Variants in C16orf46 observed in about 807,000 individuals in gnomAD.
C16orf46 encodes the protein uncharacterized protein C16orf46.
In C16orf46, 7 loss-of-function variants were observed where a neutral mutation model predicts 5.5. The observed-to-expected ratio is 1.28, with a 90% confidence interval of 0.73 to 2.40. The LOEUF is 2.40. Among genes scored for constraint, C16orf46 ranks in the 30% most tolerant of loss-of-function variants. The probability of loss-of-function intolerance (pLI) is 0.00; values close to 1 mark genes in which losing one functional copy is unlikely to be tolerated. For synonymous variants in C16orf46, 200 were observed against 184.1 expected (o/e 1.09, Z -0.70); for missense variants, 614 against 476.0 (o/e 1.29, Z -2.70).
At chr16:81,059,414 C>G (rs1044224297), downstream of C16orf46, among the ~76,000 whole-genome samples, 1 of 150,604 alleles carries the variant, frequency 6.6e-6, no homozygotes, top group African/African-American at 2.4e-5. Context: ...GTCATATATT[C>G]TGTCTACTCC....
intron 3 of C16orf46, among the ~76,000 whole-genome samples, chr16:81,062,489 A>G (rs1971518201): frequency 1.3e-5 from 2 of 152,262 alleles, no homozygotes; most frequent in Admixed American, 6.5e-5. Flanking sequence ...TGTGCTGACT[A>G]TATTTCTTTT....
chr16:81,068,627 T>G (rs1019672088), intron 1 of C16orf46, among the ~76,000 whole-genome samples: 20 of 147,612 alleles, frequency 1.4e-4, no homozygotes, highest in Middle Eastern at 3.2e-3. Flanking sequence ...CTCAAACTCC[T>G]GGCCTCAAGT....
chr16:81,067,009 T>C (rs961583601), intron 1 of C16orf46, among the ~76,000 whole-genome samples: 1 of 152,144 alleles, frequency 6.6e-6, no homozygotes, highest in Non-Finnish European at 1.5e-5. Flanking sequence ...AGAACCAACA[T>C]GTACAAAAGA....
intron 1 of C16orf46, among the ~76,000 whole-genome samples, chr16:81,072,925 A>G (rs1395091654): frequency 6.6e-6 from 1 of 151,730 alleles, no homozygotes; most frequent in Non-Finnish European, 1.5e-5. Flanking sequence ...CTGGTCTCCA[A>G]CTCCTGATGT....
At position 81,061,071 on chromosome 16, in the gene C16orf46, TGGGG is replaced by T; in HGVS notation, c.*86_*89del. ...TGACGGGGAGGAGAGAAAGAGAGAG[TGGGG>T]GGTGGGTGGGAAATGAGAGAGAAGA... On this transcript the variant is annotated 3_prime_UTR_variant, in exon 4 of 4. Coordinates refer to ENST00000299578, the MANE Select transcript of C16orf46 (RefSeq NM_152337.3). 2.1e-6 allele frequency: 2 copies of T among 966,306 alleles called. No homozygotes were observed. The highest frequency in any genetic ancestry group is 2.8e-6 in the Non-Finnish European group (2 of 705,362). The allele number at this position is 966,306 out of a possible 1,614,324, so 59.9% of individuals were successfully genotyped here. A position where few individuals can be genotyped will look rare whatever the true frequency, so the allele number is the denominator to read the frequency against.
intron 1 of C16orf46, among the ~76,000 whole-genome samples, chr16:81,070,291 G>T (rs971165198): frequency 6.6e-6 from 1 of 152,160 alleles, no homozygotes; most frequent in African/African-American, 2.4e-5. Flanking sequence ...ACATTGACAA[G>T]CAAGTTTTAG....
At chr16:81,054,809 C>G (rs1444563430) in intron 3 of C16orf46, among the ~76,000 whole-genome samples, 1 of 151,622 alleles carries the variant, frequency 6.6e-6, no homozygotes, top group African/African-American at 2.4e-5. Context: ...CCACCACGCC[C>G]CCTAATTTTT....
At chr16:81,067,613 T>C (rs1437895619) in intron 1 of C16orf46, among the ~76,000 whole-genome samples, 1 of 152,192 alleles carries the variant, frequency 6.6e-6, no homozygotes, top group Non-Finnish European at 1.5e-5. Flanking sequence ...AGTACAATGG[T>C]GTGATCTCGG....
At chr16:81,075,086 T>C (rs1335270022) in intron 1 of C16orf46, among the ~76,000 whole-genome samples, 1 of 152,192 alleles carries the variant, frequency 6.6e-6, no homozygotes, top group East Asian at 1.9e-4. Flanking sequence ...ACTTGGACAT[T>C]TGCTAATTAT....
intron 1 of C16orf46, among the ~76,000 whole-genome samples, chr16:81,069,233 A>G (rs1460047301): frequency 6.6e-6 from 1 of 152,164 alleles, no homozygotes; most frequent in Non-Finnish European, 1.5e-5. Context: ...TCGACTACCT[A>G]GCATTAGTCA....
In C16orf46 at chr16:81,061,774, C is replaced by G; in HGVS notation, c.575G>C (p.Gly192Ala). 1 of 1,613,866 alleles carries G rather than the reference C, an allele frequency of 6.2e-7. No homozygotes were observed. The highest frequency in any genetic ancestry group is 2.2e-5 in the East Asian group (1 of 44,874). The change falls in exon 4 of 4, where the codon GGG becomes GCG. Residue 192 changes from glycine to alanine, a missense_variant. Physicochemically the swap from Gly to Ala is moderately conservative, Grantham distance 60. Coordinates refer to ENST00000299578, the MANE Select transcript of C16orf46 (RefSeq NM_152337.3). ...TGGGATGGACAGCCCTCTGTGGGCC[C>G]CTCCACTGGGATTCCCAGAGGCCTT... ...RGKASGNPSG[G>A]AHRGLSIPGP...
At chr16:81,070,108 G>A (rs1021036238) in intron 1 of C16orf46, among the ~76,000 whole-genome samples, 1 of 151,840 alleles carries the variant, frequency 6.6e-6, no homozygotes, top group Admixed American at 6.6e-5. Context: ...CTAGGCGACA[G>A]AGTGAGACTC....
At chr16:81,073,077 T>A (rs1971910758) in intron 1 of C16orf46, among the ~76,000 whole-genome samples, 1 of 152,198 alleles carries the variant, frequency 6.6e-6, no homozygotes, top group Non-Finnish European at 1.5e-5. Context: ...GGAAGTCACA[T>A]GATGCTAGCA....
At chr16:81,073,858 T>G (rs1971938269) in intron 1 of C16orf46, among the ~76,000 whole-genome samples, 1 of 152,200 alleles carries the variant, frequency 6.6e-6, no homozygotes, top group Admixed American at 6.5e-5. Flanking sequence ...AGAAACTGAA[T>G]TCAGCCAACA....
downstream of C16orf46, among the ~76,000 whole-genome samples, chr16:81,057,208 C>T (rs1201706194): frequency 6.6e-6 from 1 of 152,098 alleles, no homozygotes; most frequent in African/African-American, 2.4e-5. Flanking sequence ...GTAAATACAG[C>T]ACCCACCTGG....
At chr16:81,060,556 T>G (rs1354044210), downstream of C16orf46, 1 of 152,574 alleles carries the variant, frequency 6.6e-6, no homozygotes, top group African/African-American at 2.4e-5. Flanking sequence ...GTGATCCACC[T>G]GCCTTGGCCT....
chr16:81,065,848 TTTTG>T (rs1217420842), intron 2 of C16orf46, among the ~76,000 whole-genome samples: 1 of 149,720 alleles, frequency 6.7e-6, no homozygotes, highest in Non-Finnish European at 1.5e-5. Flanking sequence ...TTTTGTTTTG[TTTTG>T]TTTTTGAGAC....
chr16:81,057,272 G>C (rs990189852), downstream of C16orf46, among the ~76,000 whole-genome samples: 1 of 152,174 alleles, frequency 6.6e-6, no homozygotes, highest in African/African-American at 2.4e-5. Context: ...ATTGGGGCAG[G>C]GCATGGTGGC....
At chr16:81,066,033 G>A (rs1427933060) in intron 2 of C16orf46, among the ~76,000 whole-genome samples, 160 bp downstream of exon 2, 1 of 151,230 alleles carries the variant, frequency 6.6e-6, no homozygotes, top group African/African-American at 2.4e-5. Flanking sequence ...TTACGGGCGT[G>A]AGTCACCGTG....
Sources: gnomAD v4.1 joint callset for allele counts (sites outside exome capture counted in the v4.1 genomes callset) on GRCh38, gnomAD v4.1.1 for gene constraint, MANE v1.5 for transcripts, NCBI Gene and HGNC (gene_info 2026-07-23, HGNC 2026-07-21) for gene names.